The following SPSB4 variants were observed in gnomAD, a reference collection of about 807,000 sequenced individuals.
SPSB4 encodes splA/ryanodine receptor domain and SOCS box containing 4.
SPSB4 carries 21 observed loss-of-function variants against 20.9 expected under a neutral mutation model. The observed-to-expected ratio is 1.01, with a 90% CI of 0.71 to 1.45. The LOEUF is 1.45. Ranked by LOEUF, SPSB4 falls within the 40% of genes most tolerant of loss-of-function variation. The probability of loss-of-function intolerance (pLI) is 0.00; values close to 1 mark genes in which losing one functional copy is unlikely to be tolerated. For missense variants in SPSB4, 399 were observed against 399.2 expected (o/e 1.00, Z 0.00); for synonymous variants, 207 against 183.8 (o/e 1.13, Z -1.02).
At chr3:141,089,008 G>A (rs1413282401) in intron 2 of SPSB4, among the ~76,000 whole-genome samples, 2 of 152,126 alleles carry the variant, frequency 1.3e-5, no homozygotes, top group Admixed American at 6.5e-5. Context: ...TACAAACGGG[G>A]CCACACTGAA....
chr3:141,127,034 G>A (rs909385660), intron 2 of SPSB4, among the ~76,000 whole-genome samples: 1 of 152,238 alleles, frequency 6.6e-6, no homozygotes, highest in Non-Finnish European at 1.5e-5. Context: ...TCCAAGGTGT[G>A]TATGCTTCGA....
At chr3:141,121,281 G>A (rs142024668) in intron 2 of SPSB4, among the ~76,000 whole-genome samples, 142 of 152,250 alleles carry the variant, frequency 9.3e-4, no homozygotes, top group African/African-American at 3.2e-3. Flanking sequence ...CAAGAGATTC[G>A]CTGTTAGTCT....
At chr3:141,094,024 G>A (rs1401467583) in intron 2 of SPSB4, among the ~76,000 whole-genome samples, 1 of 152,226 alleles carries the variant, frequency 6.6e-6, no homozygotes. Flanking sequence ...GTCCCGGCAG[G>A]CAAATTCCCA....
At chr3:141,120,050 T>G (rs762840169) in intron 2 of SPSB4, among the ~76,000 whole-genome samples, 6 of 152,216 alleles carry the variant, frequency 3.9e-5, no homozygotes, top group Admixed American at 1.3e-4. Flanking sequence ...TTGTGGGCAT[T>G]TAGTGCTATA....
intron 2 of SPSB4, among the ~76,000 whole-genome samples, chr3:141,136,114 T>C (rs1332433837): frequency 3.3e-5 from 5 of 152,378 alleles, no homozygotes; most frequent in East Asian, 1.9e-4. Flanking sequence ...CATTTTTTCA[T>C]GTGCTTTTTG....
At chr3:141,136,056 C>T (rs1169456399) in intron 2 of SPSB4, among the ~76,000 whole-genome samples, 2 of 151,880 alleles carry the variant, frequency 1.3e-5, no homozygotes, top group Non-Finnish European at 2.9e-5. Flanking sequence ...GAGATGGTAT[C>T]TCATTGTGGT....
intron 2 of SPSB4, among the ~76,000 whole-genome samples, chr3:141,129,654 T>A (rs1420856020): frequency 6.6e-6 from 1 of 152,190 alleles, no homozygotes; most frequent in Non-Finnish European, 1.5e-5. Context: ...GGGTGCAGTG[T>A]GTGGGCCCAG....
chr3:141,136,464 T>C (rs1403253417), intron 2 of SPSB4, among the ~76,000 whole-genome samples: 4 of 152,260 alleles, frequency 2.6e-5, no homozygotes, highest in Non-Finnish European at 5.9e-5. Context: ...AGGGTTTTTA[T>C]GGTTTTAGGT....
intron 1 of SPSB4, among the ~76,000 whole-genome samples, chr3:141,063,674 G>A (rs1255691026): frequency 2.6e-5 from 4 of 152,244 alleles, no homozygotes; most frequent in African/African-American, 9.6e-5. Context: ...AGTTTGCTTG[G>A]TTTGCCATGT....
chr3:141,108,009 G>C (rs1054408461), intron 2 of SPSB4, among the ~76,000 whole-genome samples: 3 of 152,016 alleles, frequency 2.0e-5, no homozygotes, highest in Non-Finnish European at 2.9e-5. Flanking sequence ...CTCTTTCGCT[G>C]TTCTGTCCTG....
At chr3:141,071,791 G>A (rs1168861655) in intron 2 of SPSB4, among the ~76,000 whole-genome samples, 4 of 152,214 alleles carry the variant, frequency 2.6e-5, no homozygotes, top group East Asian at 1.9e-4. Context: ...CCCCCTGCAC[G>A]GAGCCGAGGA....
intron 2 of SPSB4, among the ~76,000 whole-genome samples, chr3:141,120,071 T>C (rs539414765): frequency 2.2e-3 from 337 of 152,338 alleles, no homozygotes; most frequent in African/African-American, 7.9e-3. Flanking sequence ...AATTTTCCTC[T>C]ACACACTGCT....
chr3:141,066,702 G>T lies in SPSB4; in HGVS notation c.598G>T (p.Ala200Ser). The change falls in exon 2 of 3, where the codon GCC (alanine) becomes TCC (serine). Residue 200 changes from alanine (A) to serine (S), a missense_variant. Coordinates refer to ENST00000310546, the MANE Select transcript of SPSB4 (RefSeq NM_080862.3). ...CGTGGATGGCCAGTACCTGGGCGTG[G>T]CCTTCCGAGGTCTCAAGGGCAAGAA... is the stretch of plus-strand genomic sequence containing the variant. ...FIVDGQYLGV[A>S]FRGLKGKKLY... 1 of 1,612,662 alleles carries T rather than the reference G, an allele frequency of 6.2e-7. No homozygotes were observed. Among genetic ancestry groups the T allele is most frequent in the Non-Finnish European group, 8.5e-7 (1 of 1,179,362 alleles).
At chr3:141,120,800 T>C (rs1938954143) in intron 2 of SPSB4, among the ~76,000 whole-genome samples, 3 of 152,180 alleles carry the variant, frequency 2.0e-5, no homozygotes, top group African/African-American at 7.2e-5. Flanking sequence ...TGAGCCTATG[T>C]GTGTCTCTGC....
At chr3:141,096,630 G>T (rs1055323284) in intron 2 of SPSB4, among the ~76,000 whole-genome samples, 5 of 152,160 alleles carry the variant, frequency 3.3e-5, no homozygotes, top group African/African-American at 1.2e-4. Context: ...TCTTTTTCCA[G>T]CATGTGCTGC....
At chr3:141,094,497 C>G (rs988960398) in intron 2 of SPSB4, among the ~76,000 whole-genome samples, 1 of 152,162 alleles carries the variant, frequency 6.6e-6, no homozygotes, top group African/African-American at 2.4e-5. Flanking sequence ...GTTGCATGCA[C>G]TCTTGTGCCC....
chr3:141,056,797 G>A (rs1040452378), intron 1 of SPSB4, among the ~76,000 whole-genome samples: 1 of 152,252 alleles, frequency 6.6e-6, no homozygotes, highest in Non-Finnish European at 1.5e-5. Context: ...CCTGGGGCAG[G>A]CCTCTGGGCT....
At chr3:141,080,632 C>T (rs1938212748) in intron 2 of SPSB4, among the ~76,000 whole-genome samples, 1 of 152,216 alleles carries the variant, frequency 6.6e-6, no homozygotes, top group South Asian at 2.1e-4. Flanking sequence ...TCTGGCTTCC[C>T]CTTTTGTCAC....
intron 2 of SPSB4, among the ~76,000 whole-genome samples, chr3:141,146,317 G>A (rs1449245767): frequency 6.6e-6 from 1 of 152,136 alleles, no homozygotes; most frequent in East Asian, 1.9e-4. Flanking sequence ...ACCCGCTGCT[G>A]ACCATCAAGG....
Sources: allele counts gnomAD v4.1 joint callset (sites outside exome capture counted in the v4.1 genomes callset), GRCh38; gene constraint gnomAD v4.1.1; transcripts MANE v1.5; gene names NCBI Gene and HGNC (gene_info 2026-07-23, HGNC 2026-07-21).